MAGEA4: variants seen among roughly 807,000 people sequenced by gnomAD.
The protein encoded by MAGEA4 is melanoma-associated antigen 4.
In MAGEA4, 1 loss-of-function variant was observed where a neutral mutation model predicts 13.7. The observed-to-expected ratio is 0.07, with a 90% CI of 0.03 to 0.35. The LOEUF (loss-of-function observed/expected upper bound fraction) is 0.35. Among genes scored for constraint, MAGEA4 ranks in the 10% least tolerant of loss-of-function variants. The pLI is 0.99. For synonymous variants in MAGEA4, 132 were observed against 101.1 expected (o/e 1.31, Z -1.83); for missense variants, 312 against 245.1 (o/e 1.27, Z -1.82).
intron 1 of MAGEA4, among the ~76,000 whole-genome samples, chrX:151,921,853 A>G (rs1933457101): frequency 1.4e-5 from 1 of 72,531 alleles, no homozygotes; most frequent in Admixed American, 1.3e-4. Flanking sequence ...CAGGGAGCCC[A>G]CCCCACCCCG....
In MAGEA4 at chrX:151,919,744, C is replaced by T. The variant is rs767892522; in HGVS notation, c.-137-3709C>T. 2.0e-4 allele frequency: 153 copies of T among 750,914 alleles called. No homozygotes were observed. The African/African-American group carries it at 3.5e-3, about 17-fold the overall frequency. 61.9% of individuals were successfully genotyped at this position (750,914 alleles called of 1,213,427 possible). On this transcript the variant is annotated intron_variant, in intron 1 of 2. Transcript: ENST00000276344. ...CAAGGTGAGACGCTGAGGGAGGACT[C>T]AGGAGGCCCCCACCGCAGATAGACA... is the stretch of plus-strand genomic sequence containing the variant.
intron 1 of MAGEA4, among the ~76,000 whole-genome samples, chrX:151,922,653 T>G (rs1337508527): frequency 9.0e-6 from 1 of 111,439 alleles, no homozygotes; most frequent in Non-Finnish European, 1.9e-5. Flanking sequence ...GAGGGAGGAT[T>G]GAGGGTACCA....
intron 1 of MAGEA4, among the ~76,000 whole-genome samples, chrX:151,922,882 G>A (rs1933513365): frequency 1.8e-5 from 2 of 112,235 alleles, no homozygotes; most frequent in Admixed American, 9.4e-5. Context: ...AGCAGGCTCC[G>A]CATCCAGGAC....
rs1933625762 is a variant in MAGEA4 at position 151,924,605 on chromosome X, A to T, written c.941A>T (p.Glu314Val). The T allele has an allele frequency of 2.5e-6, 3 of 1,187,432 alleles. No individual in the cohort carries two copies. The highest frequency in any genetic ancestry group is 1.7e-5 in the African/African-American group (1 of 57,417). ...SLREAALLEE[E>V]EGV ...CGTGAAGCAGCTTTGTTAGAGGAGG[A>T]AGAGGGAGTCTGAGCATGAGTTGCA... The change falls in exon 3 of 3, where the codon GAA becomes GTA. Residue 314 changes from glutamate to valine, a missense_variant. Physicochemically the swap from Glu to Val is moderately radical, Grantham distance 121. Coordinates refer to ENST00000276344, the MANE Select transcript of MAGEA4 (RefSeq NM_001011548.1).
intron 1 of MAGEA4, among the ~76,000 whole-genome samples, chrX:151,921,391 A>G (rs5970159): frequency 1.7e-3 from 190 of 112,323 alleles, no homozygotes; most frequent in African/African-American, 5.7e-3. Context: ...CCCAAGATAG[A>G]GGAACCCAAA....
Position 151,924,470 on chromosome X carries a change from G to T in MAGEA4, c.806G>T (p.Arg269Leu). The T allele has an allele frequency of 8.3e-7, 1 of 1,211,954 alleles. No individual in the cohort carries two copies. Among genetic ancestry groups the T allele is most frequent in the South Asian group, 1.8e-5 (1 of 56,973 alleles). The change falls in exon 3 of 3, where the codon CGC becomes CTC. Residue 269 changes from arginine (R) to leucine (L), a missense_variant. Physicochemically the swap from Arg to Leu is moderately radical, Grantham distance 102. Coordinates refer to ENST00000276344, the MANE Select transcript of MAGEA4 (RefSeq NM_001011548.1). ...YRQVPGSNPA[R>L]YEFLWGPRAL... ...CAGGTACCCGGCAGTAATCCTGCGCGCTATGAGTTCCTGTGGGGTCCAAGG... is the reference window on the plus strand; with the variant it reads ...CAGGTACCCGGCAGTAATCCTGCGCTCTATGAGTTCCTGTGGGGTCCAAGG...
In MAGEA4 at chrX:151,924,231, C is replaced by T. The variant is rs762366485; in HGVS notation, c.567C>T (p.Gly189=). 8.3e-7 allele frequency: 1 copy of T among 1,210,309 alleles called. No individual in the cohort carries two copies. Among genetic ancestry groups the T allele is most frequent in the South Asian group, 1.8e-5 (1 of 56,617 alleles). ...LVTCLGLSYD[G]LLGNNQIFPK... ...CCTGCCTGGGCCTTTCCTATGATGG[C>T]CTGCTGGGTAATAATCAGATCTTTC... Residue 189 remains glycine, a synonymous_variant, in exon 3 of 3, where the codon GGC becomes GGT. Transcript: ENST00000276344.
intron 1 of MAGEA4, among the ~76,000 whole-genome samples, chrX:151,921,154 G>C (rs898804750): frequency 1.8e-5 from 2 of 112,066 alleles, no homozygotes; most frequent in African/African-American, 6.5e-5. Flanking sequence ...CTGCCATTTC[G>C]CTGCTCCATT....
chrX:151,919,612 T>C (rs1933307793), intron 1 of MAGEA4: 2 of 738,084 alleles, frequency 2.7e-6, no homozygotes, highest in Non-Finnish European at 1.6e-6. Flanking sequence ...GGTGCCGGAA[T>C]GTGATGCCAC....
chrX:151,923,931 C>T lies in MAGEA4; in HGVS notation c.267C>T (p.Ser89=). The T allele has an allele frequency of 8.3e-7, 1 of 1,211,451 alleles. No homozygotes were observed. The highest frequency in any genetic ancestry group is 1.1e-6 in the Non-Finnish European group (1 of 895,396). ...TCWRQPNEGS[S]SQEEEGPSTS... Reference sequence around the variant, plus strand: ...GGAGGCAACCCAATGAGGGTTCCAGCAGCCAAGAAGAGGAGGGGCCAAGCA... The same window carrying T: ...GGAGGCAACCCAATGAGGGTTCCAGTAGCCAAGAAGAGGAGGGGCCAAGCA... Residue 89 remains serine (S), a synonymous_variant, in exon 3 of 3, where the codon AGC becomes AGT. Coordinates refer to ENST00000276344, the MANE Select transcript of MAGEA4 (RefSeq NM_001011548.1).
At chrX:151,919,652 C>A in intron 1 of MAGEA4, 3 of 753,418 alleles carry the variant, frequency 4.0e-6, no homozygotes, top group African/African-American at 4.6e-5. Context: ...TAGAGAAAAG[C>A]GAGCTGCTCT....
At chrX:151,921,763 C>CAG (rs1569448643) in intron 1 of MAGEA4, among the ~76,000 whole-genome samples, 1 of 111,848 alleles carries the variant, frequency 8.9e-6, no homozygotes. Context: ...GTATCATGAG[C>CAG]AGAGCCTCAG....
In MAGEA4 at chrX:151,920,485, G is replaced by T. The variant is rs938807183; in HGVS notation, c.-137-2968G>T. Among the ~76,000 whole-genome samples, 12 of 108,945 alleles carry T rather than the reference G, an allele frequency of 1.1e-4. No homozygotes were observed. The East Asian group carries it at 2.1e-3, about 19-fold the overall frequency. The allele number at this position is 108,945 out of a possible 115,157, so 94.6% of individuals were successfully genotyped here. On this transcript the variant is annotated intron_variant, in intron 1 of 2. Transcript: ENST00000276344. ...TGGTGTGATCAGTGCAGGACTGGTG[G>T]GGGTAGGCTCTGCCAGGCATCAACG... is the stretch of plus-strand genomic sequence containing the variant.
At chrX:151,922,395 G>C (rs1302120894) in intron 1 of MAGEA4, among the ~76,000 whole-genome samples, 1 of 111,255 alleles carries the variant, frequency 9.0e-6, no homozygotes. Flanking sequence ...GGAAGGGCAG[G>C]CCCTGTCAGG....
chrX:151,919,936 C>T (rs1279519215), intron 1 of MAGEA4, among the ~76,000 whole-genome samples: 1 of 109,366 alleles, frequency 9.1e-6, no homozygotes, highest in Non-Finnish European at 1.9e-5. Context: ...CTCTGCCAGG[C>T]ATCAACCTCA....
chrX:151,923,556 T>G (rs1489209520), intron 2 of MAGEA4, 32 bp downstream of exon 2: 1 of 1,206,769 alleles, frequency 8.3e-7, no homozygotes, highest in African/African-American at 1.8e-5. Flanking sequence ...CCTCTAAGAT[T>G]TGGTTCTCAG....
Position 151,923,919 on chromosome X carries a change from T to C in MAGEA4, c.255T>C (p.Asn85=). ...TISFTCWRQP[N]EGSSSQEEEG... The stretch of plus-strand genomic sequence containing the variant: ...GCTTCACTTGCTGGAGGCAACCCAA[T>C]GAGGGTTCCAGCAGCCAAGAAGAGG... The change falls in exon 3 of 3, where the codon AAT becomes AAC. Residue 85 remains asparagine, a synonymous_variant. Coordinates refer to ENST00000276344, the MANE Select transcript of MAGEA4 (RefSeq NM_001011548.1). 8.3e-7 allele frequency: 1 copy of C among 1,210,910 alleles called. No homozygotes were observed. Among genetic ancestry groups the C allele is most frequent in the Non-Finnish European group, 1.1e-6 (1 of 895,143 alleles).
At chrX:151,919,704 G>C (rs1933316960) in intron 1 of MAGEA4, 1 of 753,545 alleles carries the variant, frequency 1.3e-6, no homozygotes, top group Non-Finnish European at 1.6e-6. Context: ...AAGCGGGCCA[G>C]GCCCTGTGAG....
intron 1 of MAGEA4, among the ~76,000 whole-genome samples, chrX:151,921,140 T>G (rs1439400510): frequency 1.8e-5 from 2 of 111,861 alleles, no homozygotes; most frequent in Admixed American, 9.4e-5. Flanking sequence ...CTCCCACAAA[T>G]CCGCTGCCAT....
Sources: gnomAD v4.1 joint callset for allele counts (sites outside exome capture counted in the v4.1 genomes callset) on GRCh38, gnomAD v4.1.1 for gene constraint, MANE v1.5 for transcripts, NCBI Gene and HGNC (gene_info 2026-07-23, HGNC 2026-07-21) for gene names.